HERC6: variants seen among roughly 807,000 people sequenced by gnomAD.
The protein encoded by HERC6 is HECT and RLD domain containing E3 ubiquitin protein ligase family member 6.
HERC6 carries 101 observed loss-of-function variants against 114.5 expected under a neutral mutation model. That is an observed-to-expected ratio of 0.88 (90% CI 0.75 to 1.04). The LOEUF is 1.04. Ranked by LOEUF, HERC6 falls within the 50% of genes least tolerant of loss-of-function variation. The probability of loss-of-function intolerance (pLI) is 0.00; values close to 1 mark genes in which losing one functional copy is unlikely to be tolerated. For missense variants in HERC6, 1,133 were observed against 1,230.9 expected, an observed-to-expected ratio of 0.92 and a Z score of 1.19; for synonymous variants, 408 against 436.2, an observed-to-expected ratio of 0.94 and a Z score of 0.81.
chr4:88,392,569 A>C (rs963541879), intron 4 of HERC6, among the ~76,000 whole-genome samples: 3 of 152,194 alleles, frequency 2.0e-5, no homozygotes, highest in African/African-American at 7.2e-5. Flanking sequence ...AAATTGTCAG[A>C]ATCAATATGG....
At chr4:88,408,874 G>A (rs1735945161) in intron 11 of HERC6, among the ~76,000 whole-genome samples, 1 of 152,090 alleles carries the variant, frequency 6.6e-6, no homozygotes, top group Non-Finnish European at 1.5e-5. Context: ...TCACAGCTTA[G>A]GGGCTTTTCA....
chr4:88,405,299 T>C (rs2148892414), intron 9 of HERC6, among the ~76,000 whole-genome samples: 1 of 152,348 alleles, frequency 6.6e-6, no homozygotes, highest in South Asian at 2.1e-4. Flanking sequence ...TTTGGAGTTT[T>C]ATGAGTTTTG....
At chr4:88,390,067 T>C (rs1734813241) in intron 3 of HERC6, among the ~76,000 whole-genome samples, 1 of 150,000 alleles carries the variant, frequency 6.7e-6, no homozygotes, top group South Asian at 2.1e-4. Flanking sequence ...TAATCCCAGC[T>C]ACTCAGGAGC....
At position 88,439,362 on chromosome 4, in the gene HERC6, AGAAAG is replaced by A. The variant is rs199776669; in HGVS notation, c.2556-506_2556-502del. On this transcript the variant is annotated intron_variant, in intron 20 of 22. Coordinates refer to ENST00000264346, the MANE Select transcript of HERC6 (RefSeq NM_017912.4). ...CATCTCTTAAAAAAAAGAAAGAAAA[AGAAAG>A]GAAAGAGAAAGAAAGAAGAAAGAAA... Among the ~76,000 whole-genome samples, 1,145 of 151,782 alleles carry A rather than the reference AGAAAG, an allele frequency of 7.5e-3. 15 individuals are homozygous for A. Among genetic ancestry groups the A allele is most frequent in the African/African-American group, 0.025 (1,033 of 41,202 alleles).
intron 21 of HERC6, 33 bp downstream of exon 21, chr4:88,440,090 G>T: frequency 1.2e-6 from 2 of 1,603,002 alleles, no homozygotes; most frequent in South Asian, 2.2e-5. Flanking sequence ...CAATTTTTCC[G>T]AACAACTTCT....
At chr4:88,395,581 C>A (rs1560539029) in intron 5 of HERC6, among the ~76,000 whole-genome samples, 1 of 152,232 alleles carries the variant, frequency 6.6e-6, no homozygotes, top group East Asian at 1.9e-4. Flanking sequence ...TCTTTAAGAT[C>A]TACTCTCTTA....
intron 1 of HERC6, among the ~76,000 whole-genome samples, chr4:88,379,581 A>G (rs28654934): frequency 0.62 from 81,330 of 131,336 alleles, 26,127 homozygotes; most frequent in African/African-American, 0.79. Flanking sequence ...TTTGTGGGTC[A>G]GACACCTGTA....
Position 88,437,779 on chromosome 4 carries a change from CAAGT to C in HERC6, c.2555+3_2555+6del. 6.2e-7 allele frequency: 1 copy of C among 1,600,028 alleles called. No homozygotes were observed. The highest frequency in any genetic ancestry group is 8.5e-7 in the Non-Finnish European group (1 of 1,170,292). On this transcript the variant is annotated splice_donor_variant and coding_sequence_variant, in exon 20 of 23. Coordinates refer to ENST00000264346, the MANE Select transcript of HERC6 (RefSeq NM_017912.4). LOFTEE classifies it high-confidence loss of function. ...TCTCCATACCTGTGGACCAAACCAA[CAAGT>C]AAGTTTTGACAGCTAGAATATCTGT...
At chr4:88,384,213 C>T (rs887630051) in intron 2 of HERC6, among the ~76,000 whole-genome samples, 11 of 152,262 alleles carry the variant, frequency 7.2e-5, no homozygotes, top group South Asian at 4.1e-4. Context: ...CCCAAAACCC[C>T]GCCTTTTATT....
intron 3 of HERC6, among the ~76,000 whole-genome samples, chr4:88,387,757 C>CTCTCT (rs1235114200): frequency 6.6e-6 from 1 of 152,108 alleles, no homozygotes; most frequent in African/African-American, 2.4e-5. Flanking sequence ...GAGAAGATAC[C>CTCTCT]CTGTATACCT....
intron 14 of HERC6, among the ~76,000 whole-genome samples, chr4:88,424,229 G>A (rs1737359758): frequency 6.6e-6 from 1 of 152,174 alleles, no homozygotes. Context: ...GCTCACACCT[G>A]TAATCCCAGC....
At chr4:88,379,530 C>T (rs967456722) in intron 1 of HERC6, among the ~76,000 whole-genome samples, 1 of 150,078 alleles carries the variant, frequency 6.7e-6, no homozygotes, top group African/African-American at 2.5e-5. Context: ...CTCGCCTGCG[C>T]GGTTCTACCT....
In HERC6 at chr4:88,431,236, G is replaced by A. The variant is rs1191288343; in HGVS notation, c.2181G>A (p.Glu727=). The change falls in exon 17 of 23, where the codon GAG becomes GAA. Residue 727 remains glutamate, a synonymous_variant. Transcript: ENST00000264346. ...AGTTCTTCCACTGTATGTTTGAAGA[G>A]ATGACCAAGCCAGAATATGGAATGT... ...SSEFFHCMFE[E]MTKPEYGMFM... 6.2e-7 allele frequency: 1 copy of A among 1,613,678 alleles called. No individual in the cohort carries two copies. Among genetic ancestry groups the A allele is most frequent in the Non-Finnish European group, 8.5e-7 (1 of 1,179,744 alleles).
At chr4:88,386,677 G>A (rs553751350) in intron 3 of HERC6, among the ~76,000 whole-genome samples, 1 of 152,184 alleles carries the variant, frequency 6.6e-6, no homozygotes, top group Non-Finnish European at 1.5e-5. Context: ...GGAAACCAAT[G>A]GAAGATACGG....
chr4:88,431,418 C>A, intron 17 of HERC6, 113 bp downstream of exon 17: 1 of 1,241,382 alleles, frequency 8.1e-7, no homozygotes. Context: ...CTTTGCTACT[C>A]ATATTTTGAG....
intron 8 of HERC6, among the ~76,000 whole-genome samples, chr4:88,403,671 G>A (rs984590470): frequency 3.3e-5 from 5 of 151,988 alleles, no homozygotes; most frequent in African/African-American, 1.2e-4. Flanking sequence ...GGAGAATGGT[G>A]TGAACCTGGG....
At chr4:88,381,487 T>C (rs1734316063) in intron 1 of HERC6, among the ~76,000 whole-genome samples, 1 of 151,922 alleles carries the variant, frequency 6.6e-6, no homozygotes, top group Admixed American at 6.6e-5. Flanking sequence ...ATAAGGGTTA[T>C]TTTAATTGAC....
intron 5 of HERC6, among the ~76,000 whole-genome samples, chr4:88,394,037 G>GAT (rs1342530147): frequency 6.6e-6 from 1 of 152,116 alleles, no homozygotes; most frequent in Non-Finnish European, 1.5e-5. Flanking sequence ...TGTAGCATAA[G>GAT]ATATATATAC....
At position 88,442,249 on chromosome 4, in the gene HERC6, G is replaced by A. The variant is rs199699848; in HGVS notation, c.2858G>A (p.Arg953His). Residue 953 changes from arginine to histidine, a missense_variant, in exon 23 of 23, where the codon CGT becomes CAT. By Grantham distance (29) the Arg-to-His change is conservative (BLOSUM62 0). Around this residue, in one of 3 missense-constraint regions of HERC6, gnomAD observed 388 missense variants for 445.9 expected, o/e 0.87. Coordinates refer to ENST00000264346, the MANE Select transcript of HERC6 (RefSeq NM_017912.4). ...TCCTTTCTAGTTTTCCTTACAGGAC[G>A]TGATAGGCTGCATGCAAGAGGCATA... is the stretch of plus-strand genomic sequence containing the variant. Reference protein sequence around the residue: ...KKKFLFFLTGRDRLHARGIQK... With the variant: ...KKKFLFFLTGHDRLHARGIQK... 1.9e-4 allele frequency: 305 copies of A among 1,611,014 alleles called. No homozygotes were observed. The highest frequency in any genetic ancestry group is 2.4e-4 in the Non-Finnish European group (281 of 1,178,500).
Sources: allele counts gnomAD v4.1 joint callset (sites outside exome capture counted in the v4.1 genomes callset), GRCh38; gene constraint gnomAD v4.1.1; regional missense constraint gnomAD v4.1.1; transcripts MANE v1.5; gene names NCBI Gene and HGNC (gene_info 2026-07-23, HGNC 2026-07-21).